The following OCM variants were observed in gnomAD, a reference collection of about 807,000 sequenced individuals.
The protein encoded by OCM is oncomodulin-1.
In OCM, 18 loss-of-function variants were observed where a neutral mutation model predicts 14.1. The ratio of observed to expected loss-of-function variants is 1.28; its 90% CI spans 0.88 to 1.89. The LOEUF is 1.89. Among genes scored for constraint, OCM ranks in the 40% most tolerant of loss-of-function variants. The pLI, the probability that OCM is intolerant of heterozygous loss-of-function variation, is 0.00. For missense variants in OCM, 140 were observed against 137.6 expected (o/e 1.02, Z -0.09); for synonymous variants, 48 against 51.0 (o/e 0.94, Z 0.25).
chr7:5,863,689 C>T, the OCM span, among the ~76,000 whole-genome samples: 1 of 152,020 alleles, frequency 6.6e-6, no homozygotes, highest in Non-Finnish European at 1.5e-5. Context: ...CGCACCACCA[C>T]GCCCAGCTAA....
the OCM span, among the ~76,000 whole-genome samples, chr7:5,869,515 T>C: frequency 2.6e-5 from 4 of 152,214 alleles, no homozygotes; most frequent in Non-Finnish European, 2.9e-5. Flanking sequence ...GAAGAATCAC[T>C]TGAACCCAGG....
At chr7:5,869,915 C>A in the OCM span, among the ~76,000 whole-genome samples, 1 of 152,120 alleles carries the variant, frequency 6.6e-6, no homozygotes, top group Non-Finnish European at 1.5e-5. Flanking sequence ...GCCCACGCGC[C>A]ACGTGTGTGA....
intron 2 of OCM, 102 bp from the exon 3 acceptor site, chr7:5,883,788 C>T (rs1781274474): frequency 1.6e-5 from 22 of 1,390,006 alleles, no homozygotes; most frequent in South Asian, 5.1e-5. Flanking sequence ...TAATTATTGC[C>T]GGTGCTGGAA....
the OCM span, among the ~76,000 whole-genome samples, chr7:5,863,252 C>G: frequency 6.6e-6 from 1 of 152,078 alleles, no homozygotes; most frequent in South Asian, 2.1e-4. Context: ...TTCCCAAACC[C>G]TCTTTGGAAA....
chr7:5,864,660 A>G, the OCM span, among the ~76,000 whole-genome samples: 1 of 152,096 alleles, frequency 6.6e-6, no homozygotes, highest in South Asian at 2.1e-4. Flanking sequence ...TTCTCATTAG[A>G]ATAAATCAAA....
the OCM span, among the ~76,000 whole-genome samples, chr7:5,864,541 C>G: frequency 4.3e-3 from 647 of 152,150 alleles, 7 homozygotes; most frequent in Admixed American, 7.4e-3. Flanking sequence ...AAAAGCTCAA[C>G]TTTTTTAAGA....
At chr7:5,879,408 G>A (rs1461398809), upstream of OCM, among the ~76,000 whole-genome samples, 1 of 152,120 alleles carries the variant, frequency 6.6e-6, no homozygotes, top group Non-Finnish European at 1.5e-5. Context: ...TCCTGTGCCG[G>A]GTGAGACCTG....
At chr7:5,867,581 G>A in the OCM span, among the ~76,000 whole-genome samples, 75 of 151,964 alleles carry the variant, frequency 4.9e-4, no homozygotes, top group African/African-American at 1.7e-3. Context: ...ATATTTTTCT[G>A]GTCCCTCCTC....
At chr7:5,882,261 A>G (rs1163870695) in intron 1 of OCM, among the ~76,000 whole-genome samples, 2 of 151,900 alleles carry the variant, frequency 1.3e-5, no homozygotes, top group Non-Finnish European at 2.9e-5. Flanking sequence ...GAGGAGGGAA[A>G]AGGAAAATGG....
At chr7:5,864,328 CA>C in the OCM span, among the ~76,000 whole-genome samples, 2 of 144,242 alleles carry the variant, frequency 1.4e-5, no homozygotes, top group African/African-American at 5.3e-5. Context: ...GCCTGGGTGA[CA>C]GGGGGAGACC....
At chr7:5,884,509 C>T (rs1781293434) in intron 3 of OCM, among the ~76,000 whole-genome samples, 1 of 152,082 alleles carries the variant, frequency 6.6e-6, no homozygotes, top group Admixed American at 6.6e-5. Flanking sequence ...AATAAGCCAA[C>T]CTCATTTATT....
intron 1 of OCM, among the ~76,000 whole-genome samples, chr7:5,881,301 G>A (rs1180029087): frequency 2.0e-5 from 3 of 146,464 alleles, no homozygotes; most frequent in African/African-American, 7.6e-5. Flanking sequence ...CTGGGCAACA[G>A]AGCAAGACTC....
chr7:5,874,929 T>G (rs1190772742), upstream of OCM, among the ~76,000 whole-genome samples: 1 of 151,992 alleles, frequency 6.6e-6, no homozygotes, highest in Non-Finnish European at 1.5e-5. Context: ...AAACACTCAC[T>G]CCACCCAGCC....
At chr7:5,866,512 A>G in the OCM span, among the ~76,000 whole-genome samples, 2 of 151,840 alleles carry the variant, frequency 1.3e-5, no homozygotes, top group Non-Finnish European at 2.9e-5. Context: ...GAGGGAGGGA[A>G]GGAAGGATGT....
the OCM span, among the ~76,000 whole-genome samples, chr7:5,860,720 A>ACG: frequency 7.6e-6 from 1 of 131,472 alleles, no homozygotes; most frequent in Non-Finnish European, 1.7e-5. Flanking sequence ...GTGTATATAT[A>ACG]CGTGTATATA....
At chr7:5,868,593 G>T in the OCM span, among the ~76,000 whole-genome samples, 21 of 152,026 alleles carry the variant, frequency 1.4e-4, no homozygotes, top group Non-Finnish European at 2.6e-4. Flanking sequence ...GGGGAAAAAA[G>T]ACATAGCCAG....
the OCM span, among the ~76,000 whole-genome samples, chr7:5,869,344 T>C: frequency 6.6e-6 from 1 of 152,006 alleles, no homozygotes; most frequent in African/African-American, 2.4e-5. Context: ...ATGGCTGTAA[T>C]CCCAGCACTT....
chr7:5,881,592 T>C (rs1356899072), intron 1 of OCM, among the ~76,000 whole-genome samples: 2 of 151,986 alleles, frequency 1.3e-5, no homozygotes, highest in Non-Finnish European at 2.9e-5. Context: ...ATCGCTACAC[T>C]GCACTCCAGC....
chr7:5,886,010 C>A, intron 3 of OCM, 54 bp from the exon 4 acceptor site: 1 of 1,613,520 alleles, frequency 6.2e-7, no homozygotes, highest in Non-Finnish European at 8.5e-7. Context: ...CACGGCACGT[C>A]TGTAAAGAAC....
Sources: gnomAD v4.1 joint callset for allele counts (sites outside exome capture counted in the v4.1 genomes callset) on GRCh38, gnomAD v4.1.1 for gene constraint, MANE v1.5 for transcripts, NCBI Gene and HGNC (gene_info 2026-07-23, HGNC 2026-07-21) for gene names.